GPM6A: variants seen among roughly 807,000 people sequenced by gnomAD.
The protein encoded by GPM6A is neuronal membrane glycoprotein M6-a.
A neutral mutation model predicts 32.1 loss-of-function variants in GPM6A; 7 were observed. The ratio of observed to expected loss-of-function variants is 0.22; its 90% CI spans 0.12 to 0.41. The LOEUF is 0.41. Ranked by LOEUF, GPM6A falls within the 10% of genes least tolerant of loss-of-function variation. GPM6A has a pLI of 1.00. For missense variants in GPM6A, 235 were observed against 347.2 expected, an observed-to-expected ratio of 0.68 and a Z score of 2.57; for synonymous variants, 130 against 123.4, an observed-to-expected ratio of 1.05 and a Z score of -0.35.
intron 1 of GPM6A, among the ~76,000 whole-genome samples, chr4:175,753,282 C>G (rs909432965): frequency 6.6e-6 from 1 of 151,798 alleles, no homozygotes; most frequent in Admixed American, 6.6e-5. Flanking sequence ...TATGAGAAAG[C>G]TGTTCAAAAT....
intron 6 of GPM6A, among the ~76,000 whole-genome samples, chr4:175,637,050 A>G (rs1432850629): frequency 2.6e-4 from 33 of 126,176 alleles, no homozygotes; most frequent in South Asian, 4.6e-4. Flanking sequence ...ATATATTTAT[A>G]TATAAAATAT....
At chr4:175,938,022 A>C (rs1271125957) in intron 1 of GPM6A, among the ~76,000 whole-genome samples, 6 of 152,196 alleles carry the variant, frequency 3.9e-5, no homozygotes, top group Non-Finnish European at 8.8e-5. Flanking sequence ...AATGGATTAC[A>C]TAGAGTTTGA....
At chr4:175,849,192 G>T (rs2111398736) in intron 1 of GPM6A, among the ~76,000 whole-genome samples, 1 of 152,244 alleles carries the variant, frequency 6.6e-6, no homozygotes, top group Admixed American at 6.6e-5. Flanking sequence ...GTGTAATAAA[G>T]ACATTGTACC....
At chr4:175,768,905 G>A (rs1268795011) in intron 1 of GPM6A, among the ~76,000 whole-genome samples, 1 of 152,076 alleles carries the variant, frequency 6.6e-6, no homozygotes, top group Non-Finnish European at 1.5e-5. Context: ...AGACCAGCCT[G>A]GCCAACAAGG....
chr4:175,815,810 C>T (rs10033966), upstream of GPM6A, among the ~76,000 whole-genome samples: 17,494 of 150,504 alleles, frequency 0.12, 1,556 homozygotes, highest in African/African-American at 0.25. Context: ...CTCTGCCTCC[C>T]GGATTCAAGC....
intron 3 of GPM6A, among the ~76,000 whole-genome samples, chr4:175,658,207 T>C (rs1742195544): frequency 6.6e-6 from 1 of 151,354 alleles, no homozygotes; most frequent in African/African-American, 2.4e-5. Context: ...CCCCAGCACA[T>C]CTAGATAAAC....
intron 1 of GPM6A, among the ~76,000 whole-genome samples, chr4:175,951,604 C>G (rs1739814861): frequency 1.3e-5 from 2 of 152,132 alleles, no homozygotes; most frequent in African/African-American, 4.8e-5. Context: ...TTTAAAGCAA[C>G]TAGAATACGC....
chr4:175,908,391 C>A (rs1360284675), intron 1 of GPM6A, among the ~76,000 whole-genome samples: 2 of 152,064 alleles, frequency 1.3e-5, no homozygotes, highest in African/African-American at 2.4e-5. Flanking sequence ...TCCTCATCTG[C>A]AAAGTGAAAT....
intron 1 of GPM6A, among the ~76,000 whole-genome samples, chr4:175,896,606 G>T (rs935817293): frequency 6.6e-6 from 1 of 151,978 alleles, no homozygotes; most frequent in African/African-American, 2.4e-5. Context: ...ACTCCAAAAG[G>T]CTTCTGTTTC....
At position 175,986,093 on chromosome 4, in the gene GPM6A, C is replaced by T. The variant is rs116199687; in HGVS notation, c.-23+16216G>A. 4.3e-3 allele frequency among the ~76,000 whole-genome samples: 657 copies of T among 152,336 alleles called. 5 individuals carry two copies. The highest frequency in any genetic ancestry group is 0.015 in the African/African-American group (612 of 41,578). ...TGCAGGGTCCCAAAGGCATGAGCCA[C>T]TGCACCTGGCCTACATTTTATTAAA... On this transcript the variant is annotated intron_variant, in intron 1 of 7. Transcript: ENST00000280187.
intron 1 of GPM6A, among the ~76,000 whole-genome samples, chr4:175,729,662 A>T (rs1250106377): frequency 1.3e-5 from 2 of 151,412 alleles, no homozygotes; most frequent in Non-Finnish European, 2.9e-5. Flanking sequence ...ACTTGATGTG[A>T]TGGTTATCCA....
At position 175,775,240 on chromosome 4, in the gene GPM6A, T is replaced by C. The variant is rs558658975; in HGVS notation, c.37+36951A>G. Reference sequence around the variant, plus strand: ...TATCAAATAAACAATTTTAACCTAATAAAATTTCAGAAAATTAAAAAATCT... The same window carrying C: ...TATCAAATAAACAATTTTAACCTAACAAAATTTCAGAAAATTAAAAAATCT... On this transcript the variant is annotated intron_variant, in intron 1 of 6. Coordinates refer to ENST00000393658, the MANE Select transcript of GPM6A (RefSeq NM_201591.3). Among the ~76,000 whole-genome samples, 4 of 152,172 alleles carry C rather than the reference T, an allele frequency of 2.6e-5. No individual in the cohort carries two copies. The South Asian group carries it at 6.2e-4, about 24-fold the overall frequency.
chr4:175,789,444 T>C (rs977550211), intron 1 of GPM6A, among the ~76,000 whole-genome samples: 3 of 152,186 alleles, frequency 2.0e-5, no homozygotes, highest in Non-Finnish European at 4.4e-5. Context: ...TCCATTATGT[T>C]CAATTTATCT....
intron 2 of GPM6A, among the ~76,000 whole-genome samples, chr4:175,680,579 G>A (rs1028192122): frequency 4.6e-5 from 7 of 151,982 alleles, no homozygotes; most frequent in Non-Finnish European, 7.4e-5. Context: ...TCAGTTTCAC[G>A]TTGTCCATCT....
chr4:175,766,481 G>C (rs942806332), intron 1 of GPM6A, among the ~76,000 whole-genome samples: 1 of 152,054 alleles, frequency 6.6e-6, no homozygotes, highest in African/African-American at 2.4e-5. Context: ...AGTCAGTTAA[G>C]TTTTGATCAC....
chr4:175,844,199 C>A (rs540951287), intron 1 of GPM6A, among the ~76,000 whole-genome samples: 1 of 152,296 alleles, frequency 6.6e-6, no homozygotes, highest in Admixed American at 6.5e-5. Context: ...ACCTTCAATG[C>A]CATTTTAACA....
rs373052882 is a variant in GPM6A at position 175,762,074 on chromosome 4, G to T, written c.37+50117C>A. ...TTCCCAAAGTGCTGGGATTATAGGC[G>T]AGAGCCACTGCACTGGGCCATAATA... On this transcript the variant is annotated intron_variant, in intron 1 of 6. Coordinates refer to ENST00000393658, the MANE Select transcript of GPM6A (RefSeq NM_201591.3). 8.9e-4 allele frequency among the ~76,000 whole-genome samples: 135 copies of T among 152,282 alleles called. 3 individuals carry two copies. In the South Asian group the frequency reaches 0.026, roughly 29 times the overall value.
chr4:175,883,115 C>T (rs926966789), intron 1 of GPM6A, among the ~76,000 whole-genome samples: 1 of 151,964 alleles, frequency 6.6e-6, no homozygotes, highest in Non-Finnish European at 1.5e-5. Flanking sequence ...CTGCAGTACC[C>T]TAAGGAATTT....
chr4:175,686,334 C>T (rs1402170040), intron 2 of GPM6A, among the ~76,000 whole-genome samples: 1 of 152,212 alleles, frequency 6.6e-6, no homozygotes, highest in East Asian at 1.9e-4. Context: ...ACTTCCTAAT[C>T]CCTGACACCT....
Sources: allele counts gnomAD v4.1 joint callset (sites outside exome capture counted in the v4.1 genomes callset), GRCh38; gene constraint gnomAD v4.1.1; transcripts MANE v1.5; gene names NCBI Gene and HGNC (gene_info 2026-07-23, HGNC 2026-07-21).